Variants in SNX19 observed in about 807,000 individuals in gnomAD.
The protein encoded by SNX19 is sorting nexin-19.
SNX19 carries 60 observed loss-of-function variants against 85.2 expected under a neutral mutation model. The ratio of observed to expected loss-of-function variants is 0.70; its 90% confidence interval spans 0.57 to 0.87. SNX19 has a LOEUF of 0.87. Among genes scored for constraint, SNX19 ranks in the 40% least tolerant of loss-of-function variants. The pLI is 0.00. For missense variants in SNX19, 1,201 were observed against 1,217.8 expected (o/e 0.99, Z 0.21); for synonymous variants, 520 against 470.0 (o/e 1.11, Z -1.38).
chr11:130,906,066 A>G lies in SNX19; in HGVS notation c.2330T>C (p.Met777Thr), dbSNP rs1453505235. 6.2e-7 allele frequency: 1 copy of G among 1,614,134 alleles called. No individual in the cohort carries two copies. The highest frequency in any genetic ancestry group is 2.2e-5 in the East Asian group (1 of 44,878). Reference sequence around the variant, plus strand: ...TTTTTCTGGGGCTTTTGTTGGCTGCATTTCCAGTAACTTTGTCTGTTTTTC... The same window carrying G: ...TTTTTCTGGGGCTTTTGTTGGCTGCGTTTCCAGTAACTTTGTCTGTTTTTC... ...FIEKQTKLLEMQPTKAPEKDP... is the reference protein window; with the variant it reads ...FIEKQTKLLETQPTKAPEKDP... Residue 777 changes from methionine (M) to threonine (T), a missense_variant, in exon 7 of 11, where the codon ATG becomes ACG. Around this residue, in one of 3 missense-constraint regions of SNX19, gnomAD observed 285 missense variants for 295.3 expected, o/e 0.97. Coordinates refer to ENST00000265909, the MANE Select transcript of SNX19 (RefSeq NM_014758.3).
chr11:130,878,772 TAA>T (rs1259608797), intron 10 of SNX19, among the ~76,000 whole-genome samples: 3 of 152,208 alleles, frequency 2.0e-5, no homozygotes, highest in African/African-American at 7.2e-5. Flanking sequence ...TATATAAGAC[TAA>T]GTTTTATAAA....
Position 130,872,275 on chromosome 11 carries a change from G to A in SNX19, c.*6147C>T, listed in dbSNP as rs1230247840. 6.6e-6 allele frequency among the ~76,000 whole-genome samples: 1 copy of A among 152,132 alleles called. No homozygotes were observed. The highest frequency in any genetic ancestry group is 1.9e-4 in the East Asian group (1 of 5,170). On this transcript the variant is annotated 3_prime_UTR_variant, in exon 11 of 11. Transcript: ENST00000265909. ...AGGATGACAGGGAGGCAGTGCAAAG[G>A]CTCCGCAAGTCTGAAAATAGCATAG... is the stretch of plus-strand genomic sequence containing the variant.
chr11:130,911,569 A>G, intron 2 of SNX19, 64 bp downstream of exon 2: 1 of 1,604,060 alleles, frequency 6.2e-7, no homozygotes, highest in Admixed American at 1.7e-5. Context: ...ATAAACCAAC[A>G]GGCCAATCAG....
At chr11:130,913,728 T>C (rs1430437821) in intron 1 of SNX19, among the ~76,000 whole-genome samples, 1 of 152,246 alleles carries the variant, frequency 6.6e-6, no homozygotes, top group Non-Finnish European at 1.5e-5. Context: ...TATTTACCTA[T>C]GTCTATCTCA....
At position 130,915,359 on chromosome 11, in the gene SNX19, C is replaced by T. The variant is rs181345241; in HGVS notation, c.581G>A (p.Arg194Gln). 16 of 1,614,116 alleles carry T rather than the reference C, an allele frequency of 9.9e-6. No homozygotes were observed. In the East Asian group the frequency reaches 2.7e-4, roughly 27 times the overall value. Residue 194 changes from arginine to glutamine, a missense_variant, in exon 1 of 11, where the codon CGG (arginine) becomes CAG (glutamine). By Grantham distance (43) the Arg-to-Gln change is conservative. Coordinates refer to ENST00000265909, the MANE Select transcript of SNX19 (RefSeq NM_014758.3). ...CACAGCAGGATGTGGGGCAGTCGCC[C>T]GGCAGTAAGCCTCCCAGAGGTGGGA... ...EPSHLWEAYCRATAPHPAVHS... is the reference protein window; with the variant it reads ...EPSHLWEAYCQATAPHPAVHS...
Position 130,879,688 on chromosome 11 carries a change from C to T in SNX19, c.2782G>A (p.Val928Met). Residue 928 changes from valine to methionine, a missense_variant, in exon 10 of 11, where the codon GTG becomes ATG. Transcript: ENST00000265909. ...LPDLVVEILG[V>M]NKCRLSWGLV... The stretch of plus-strand genomic sequence containing the variant: ...CCCCAGCTCAGCCGGCATTTGTTCA[C>T]CCCAAGAATTTCTACTACGAGATCT... The T allele has an allele frequency of 6.2e-7, 1 of 1,613,878 alleles. No homozygotes were observed. Among genetic ancestry groups the T allele is most frequent in the South Asian group, 1.1e-5 (1 of 91,064 alleles).
At chr11:130,911,495 A>G (rs1946122037) in intron 2 of SNX19, 138 bp downstream of exon 2, 1 of 1,502,858 alleles carries the variant, frequency 6.7e-7, no homozygotes, top group African/African-American at 1.4e-5. Flanking sequence ...AAACTTCAAA[A>G]CTCCTGAAGC....
At position 130,880,824 on chromosome 11, in the gene SNX19, C is replaced by CGAAA; in HGVS notation, c.2574-22_2574-19dup. ...CTAGCCACCTGTGGTAGAAGAGAGACGAAAGCTTAGATAAAGCTGAAGGAA... is the reference window on the plus strand; with the variant it reads ...CTAGCCACCTGTGGTAGAAGAGAGACGAAAGAAAGCTTAGATAAAGCTGAAGGAA... On this transcript the variant is annotated intron_variant, in intron 8 of 10. Transcript: ENST00000265909. 1 of 1,528,330 alleles carries CGAAA rather than the reference C, an allele frequency of 6.5e-7. No homozygotes were observed. The highest frequency in any genetic ancestry group is 1.4e-5 in the African/African-American group (1 of 73,460). 94.7% of individuals were successfully genotyped at this position (1,528,330 alleles called of 1,614,324 possible).
At position 130,866,316 on chromosome 11, in the gene SNX19, A is replaced by G. The variant is rs2135237743; in HGVS notation, c.*12106T>C. The G allele has an allele frequency of 2.0e-5, 3 of 152,344 alleles. 1 individual carries two copies. The highest frequency in any genetic ancestry group is 2.0e-4 in the Admixed American group (3 of 15,310). The allele number at this position is 152,344 out of a possible 1,614,324, so 9.4% of individuals were successfully genotyped here. A position where few individuals can be genotyped will look rare whatever the true frequency, so the allele number is the denominator to read the frequency against. ...GAGAGAGTACAAACCAACATGCAAC[A>G]TAGTCTTCATTCTTAAAAAGTACAT... On this transcript the variant is annotated 3_prime_UTR_variant, in exon 11 of 11. Transcript: ENST00000265909.
rs781383221 is a variant in SNX19, at chr11:130,905,834, A to ACT, written c.2443+118_2443+119insAG. The ACT allele has an allele frequency of 3.8e-6, 6 of 1,565,754 alleles. 1 individual carries two copies. In the South Asian group the frequency reaches 6.9e-5, roughly 18 times the overall value. On this transcript the variant is annotated intron_variant, in intron 7 of 10. Coordinates refer to ENST00000265909, the MANE Select transcript of SNX19 (RefSeq NM_014758.3). ...AGCACCTCCAACACTGGAGTTCAACACATGGCATGCTCAGCTGAATGGAAC... is the reference window on the plus strand; with the variant it reads ...AGCACCTCCAACACTGGAGTTCAACACTCATGGCATGCTCAGCTGAATGGAAC...
chr11:130,878,583 T>G, intron 10 of SNX19, 29 bp from the exon 11 acceptor site: 1 of 1,605,044 alleles, frequency 6.2e-7, no homozygotes, highest in African/African-American at 1.3e-5. Context: ...AAACTTAGGG[T>G]CTGGCTCAAT....
At chr11:130,913,274 G>A (rs556091215) in intron 1 of SNX19, among the ~76,000 whole-genome samples, 34 of 152,260 alleles carry the variant, frequency 2.2e-4, no homozygotes, top group African/African-American at 7.2e-4. Flanking sequence ...GAACAAAAAG[G>A]CAGGAAAATG....
rs891821509 is a variant in SNX19, at chr11:130,867,005, A to C, written c.*11417T>G. ...ATTTAATGGACAAGGAAACTAAGCC[A>C]CAGAGGTGTGAAATCCCTTTCCTAA... On this transcript the variant is annotated 3_prime_UTR_variant, in exon 11 of 11. Transcript: ENST00000265909. 6.6e-6 allele frequency: 1 copy of C among 152,244 alleles called. No individual in the cohort carries two copies. Among genetic ancestry groups the C allele is most frequent in the East Asian group, 1.9e-4 (1 of 5,192 alleles). 9.4% of individuals were successfully genotyped at this position (152,244 alleles called of 1,614,324 possible).
intron 8 of SNX19, chr11:130,894,712 G>A (rs1944752109): frequency 1.9e-5 from 19 of 985,246 alleles, no homozygotes; most frequent in Non-Finnish European, 2.3e-5. Context: ...GAAAGAAGCT[G>A]GCTAAAAATA....
rs1943092577 is a variant in SNX19 at position 130,873,132 on chromosome 11, C to T, written c.*5290G>A. 1.3e-5 allele frequency among the ~76,000 whole-genome samples: 2 copies of T among 152,344 alleles called. No homozygotes were observed. Among genetic ancestry groups the T allele is most frequent in the South Asian group, 4.1e-4 (2 of 4,828 alleles). On this transcript the variant is annotated 3_prime_UTR_variant, in exon 11 of 11. Coordinates refer to ENST00000265909, the MANE Select transcript of SNX19 (RefSeq NM_014758.3). Reference sequence around the variant, plus strand: ...AACCCGATCCCACGTGAATCACACACACATTAAAATTTGGTAAGCAGTATT... The same window carrying T: ...AACCCGATCCCACGTGAATCACACATACATTAAAATTTGGTAAGCAGTATT...
intron 8 of SNX19, among the ~76,000 whole-genome samples, chr11:130,897,606 C>T (rs778548656): frequency 5.5e-4 from 83 of 152,268 alleles, no homozygotes; most frequent in Non-Finnish European, 1.1e-3. Context: ...TCCAGCTTCT[C>T]ATTCCTTCAC....
intron 8 of SNX19, among the ~76,000 whole-genome samples, chr11:130,896,641 T>TA (rs796659600): frequency 7.9e-5 from 12 of 152,330 alleles, no homozygotes; most frequent in African/African-American, 2.4e-4. Flanking sequence ...GTGTGGTTGT[T>TA]ACGACTTTTA....
chr11:130,907,272 G>C (rs1945739226), intron 5 of SNX19, among the ~76,000 whole-genome samples: 1 of 152,190 alleles, frequency 6.6e-6, no homozygotes, highest in South Asian at 2.1e-4. Flanking sequence ...GTTAAGAAAA[G>C]GTTAGGTACT....
In SNX19 at chr11:130,870,180, A is replaced by G. The variant is rs1230093716; in HGVS notation, c.*8242T>C. ...CAACAGTACTCTTTCTTCCATGTCC[A>G]AAACCATACGTGGAGCTTGCTTGTG... On this transcript the variant is annotated 3_prime_UTR_variant, in exon 11 of 11. Coordinates refer to ENST00000265909, the MANE Select transcript of SNX19 (RefSeq NM_014758.3). The G allele has an allele frequency of 6.6e-6, 1 of 152,256 alleles. No individual in the cohort carries two copies. Among genetic ancestry groups the G allele is most frequent in the East Asian group, 1.9e-4 (1 of 5,198 alleles). 9.4% of individuals were successfully genotyped at this position (152,256 alleles called of 1,614,324 possible). A position where few individuals can be genotyped will look rare whatever the true frequency, so the allele number is the denominator to read the frequency against.
Sources: allele counts gnomAD v4.1 joint callset (sites outside exome capture counted in the v4.1 genomes callset), GRCh38; gene constraint gnomAD v4.1.1; regional missense constraint gnomAD v4.1.1; transcripts MANE v1.5; gene names NCBI Gene and HGNC (gene_info 2026-07-23, HGNC 2026-07-21).